Variants in ATP8A2 observed in about 807,000 individuals in gnomAD.
ATP8A2 encodes the protein phospholipid-transporting ATPase IB.
A neutral mutation model predicts 165.6 loss-of-function variants in ATP8A2; 100 were observed. The ratio of observed to expected loss-of-function variants is 0.60; its 90% CI spans 0.51 to 0.71. The LOEUF is 0.71. Ranked by LOEUF, ATP8A2 falls within the 30% of genes least tolerant of loss-of-function variation. The pLI is 0.00. For synonymous variants in ATP8A2, 543 were observed against 548.8 expected (o/e 0.99, Z 0.15); for missense variants, 1,227 against 1,479.5 (o/e 0.83, Z 2.80).
chr13:25,591,990 A>G (rs1188075020), intron 24 of ATP8A2, among the ~76,000 whole-genome samples: 2 of 145,616 alleles, frequency 1.4e-5, no homozygotes, highest in African/African-American at 2.5e-5. Context: ...GCATCGTTTT[A>G]TATGGTTTGT....
At chr13:25,745,196 G>T (rs1345534147) in intron 25 of ATP8A2, among the ~76,000 whole-genome samples, 1 of 152,166 alleles carries the variant, frequency 6.6e-6, no homozygotes, top group Non-Finnish European at 1.5e-5. Context: ...ACCCGCCTCG[G>T]CCTCCCAAAG....
chr13:25,856,189 C>G (rs536971594), intron 30 of ATP8A2, among the ~76,000 whole-genome samples: 35 of 152,270 alleles, frequency 2.3e-4, no homozygotes, highest in African/African-American at 8.4e-4. Context: ...CCTCACTGTG[C>G]TTTTGGTGCC....
chr13:25,405,016 G>A (rs917552878), intron 1 of ATP8A2, among the ~76,000 whole-genome samples: 4 of 152,172 alleles, frequency 2.6e-5, no homozygotes, highest in African/African-American at 9.7e-5. Context: ...GAAGAGGGTG[G>A]TCTCTTGGAA....
chr13:25,726,678 G>A (rs749422480), intron 25 of ATP8A2, among the ~76,000 whole-genome samples: 1 of 152,104 alleles, frequency 6.6e-6, no homozygotes, highest in Non-Finnish European at 1.5e-5. Flanking sequence ...CCCACTTCAA[G>A]ATCCTTTACT....
chr13:25,492,642 T>A (rs9551208), intron 2 of ATP8A2, among the ~76,000 whole-genome samples: 1 of 152,020 alleles, frequency 6.6e-6, no homozygotes, highest in Non-Finnish European at 1.5e-5. Flanking sequence ...CTGCGTCTTA[T>A]AAGCCCTCAG....
At chr13:25,822,259 G>A (rs1951200258) in intron 27 of ATP8A2, among the ~76,000 whole-genome samples, 1 of 152,002 alleles carries the variant, frequency 6.6e-6, no homozygotes, top group African/African-American at 2.4e-5. Flanking sequence ...TAAGGGTGTG[G>A]CATTGTTTTC....
chr13:25,591,337 A>G (rs1319191751), intron 24 of ATP8A2: 14 of 456,518 alleles, frequency 3.1e-5, no homozygotes, highest in Middle Eastern at 6.5e-4. Flanking sequence ...ATCCCCTGGC[A>G]GTCATTCTGC....
At chr13:25,839,735 C>T (rs1951711824) in intron 30 of ATP8A2, 111 bp downstream of exon 30, 5 of 848,760 alleles carry the variant, frequency 5.9e-6, no homozygotes, top group Admixed American at 4.1e-5. Context: ...CACAGGAACA[C>T]ATTTTAGAGG....
intron 25 of ATP8A2, among the ~76,000 whole-genome samples, chr13:25,703,622 T>C (rs1173033218): frequency 2.0e-5 from 3 of 151,942 alleles, no homozygotes; most frequent in African/African-American, 7.3e-5. Context: ...AAAAATAAAG[T>C]AGTGACATGT....
chr13:25,669,390 A>C (rs1357842991), intron 24 of ATP8A2, among the ~76,000 whole-genome samples: 1 of 152,218 alleles, frequency 6.6e-6, no homozygotes, highest in Admixed American at 6.5e-5. Flanking sequence ...GAAAAGAAAA[A>C]AACAAAACAC....
Position 25,617,459 on chromosome 13 carries a change from T to G in ATP8A2, c.2211+27760T>G, listed in dbSNP as rs145389519. Among the ~76,000 whole-genome samples, 765 of 152,320 alleles carry G rather than the reference T, an allele frequency of 5.0e-3. 8 individuals are homozygous for G. Among genetic ancestry groups the G allele is most frequent in the South Asian group, 0.021 (99 of 4,826 alleles). On this transcript the variant is annotated intron_variant, in intron 24 of 36. Transcript: ENST00000381655. ...CATCAGTTATCATCAGTATTCATTA[T>G]TTCAGTTCCCTCTGAGAAATGAGAG...
intron 33 of ATP8A2, among the ~76,000 whole-genome samples, chr13:25,898,562 G>A (rs1298994346): frequency 6.6e-6 from 1 of 152,218 alleles, no homozygotes; most frequent in African/African-American, 2.4e-5. Flanking sequence ...CTGTCAGACA[G>A]GGACATTTAA....
At chr13:25,562,734 A>G (rs1479911115) in intron 15 of ATP8A2, among the ~76,000 whole-genome samples, 1 of 152,166 alleles carries the variant, frequency 6.6e-6, no homozygotes, top group Admixed American at 6.5e-5. Flanking sequence ...ACCTATCCAC[A>G]TGTGTGCCTG....
chr13:25,835,562 G>A lies in ATP8A2; in HGVS notation c.2755-1601G>A, dbSNP rs552612299. 5.9e-5 allele frequency among the ~76,000 whole-genome samples: 9 copies of A among 152,132 alleles called. No individual in the cohort carries two copies. The South Asian group carries it at 1.9e-3, about 32-fold the overall frequency. The stretch of plus-strand genomic sequence containing the variant: ...AGAGCTTGCTGGGTTTGTGGGTGGG[G>A]ATTTGAGGGACGCTCAGCAGCAAGT... On this transcript the variant is annotated intron_variant, in intron 28 of 36. Coordinates refer to ENST00000381655, the MANE Select transcript of ATP8A2 (RefSeq NM_016529.6).
chr13:25,849,009 A>T (rs115416304), intron 30 of ATP8A2, among the ~76,000 whole-genome samples: 1,843 of 146,840 alleles, frequency 0.013, 35 homozygotes, highest in African/African-American at 0.043. Context: ...CCAGAGAGTA[A>T]GGTGGGGGCG....
In ATP8A2 at chr13:25,892,377, A is replaced by G. The variant is rs144216761; in HGVS notation, c.3183+29969A>G. The stretch of plus-strand genomic sequence containing the variant: ...CATCTCTTTAGTTATGAGACATTCA[A>G]TTTGGCTTTATGGGTGGAATTTACT... On this transcript the variant is annotated intron_variant, in intron 33 of 36. Coordinates refer to ENST00000381655, the MANE Select transcript of ATP8A2 (RefSeq NM_016529.6). Among the ~76,000 whole-genome samples the G allele has an allele frequency of 7.1e-4, 108 of 152,154 alleles. 3 individuals carry two copies. Among genetic ancestry groups the G allele is most frequent in the African/African-American group, 2.4e-3 (100 of 41,492 alleles).
At chr13:25,481,080 G>A (rs1163876896) in intron 2 of ATP8A2, among the ~76,000 whole-genome samples, 1 of 151,592 alleles carries the variant, frequency 6.6e-6, no homozygotes, top group Non-Finnish European at 1.5e-5. Context: ...CAGGCAGGGA[G>A]GTTTCAGTGA....
intron 33 of ATP8A2, among the ~76,000 whole-genome samples, chr13:25,903,559 C>T (rs866382457): frequency 1.9e-4 from 29 of 152,210 alleles, no homozygotes; most frequent in Non-Finnish European, 3.1e-4. Flanking sequence ...AGTCTAAGTC[C>T]TTGCAATGAT....
In ATP8A2 at chr13:25,595,584, T is replaced by C. The variant is rs572780854; in HGVS notation, c.2211+5885T>C. 9.2e-5 allele frequency among the ~76,000 whole-genome samples: 14 copies of C among 152,304 alleles called. No individual in the cohort carries two copies. The South Asian group carries it at 1.7e-3, about 18-fold the overall frequency. Reference sequence around the variant, plus strand: ...CTGGAGCTACTTTGGGGGCTATTTATTGGCAACATCAGAGTTGCTCCCCTC... The same window carrying C: ...CTGGAGCTACTTTGGGGGCTATTTACTGGCAACATCAGAGTTGCTCCCCTC... On this transcript the variant is annotated intron_variant, in intron 24 of 36. Coordinates refer to ENST00000381655, the MANE Select transcript of ATP8A2 (RefSeq NM_016529.6).
Sources: gnomAD v4.1 joint callset for allele counts (sites outside exome capture counted in the v4.1 genomes callset) on GRCh38, gnomAD v4.1.1 for gene constraint, MANE v1.5 for transcripts, NCBI Gene and HGNC (gene_info 2026-07-23, HGNC 2026-07-21) for gene names.